The following PIK3R3 variants were observed in gnomAD, a reference collection of about 807,000 sequenced individuals.
PIK3R3 encodes phosphoinositide-3-kinase regulatory subunit 3.
A neutral mutation model predicts 62.9 loss-of-function variants in PIK3R3; 64 were observed. The observed-to-expected ratio is 1.02, with a 90% CI of 0.83 to 1.25. PIK3R3 has a LOEUF of 1.25. Ranked by LOEUF, PIK3R3 falls within the 50% of genes most tolerant of loss-of-function variation. The pLI is 0.00. For missense variants in PIK3R3, 614 were observed against 561.6 expected, an observed-to-expected ratio of 1.09 and a Z score of -0.94; for synonymous variants, 165 against 189.0, an observed-to-expected ratio of 0.87 and a Z score of 1.04.
chr1:46,079,618 C>T (rs977461749), intron 2 of PIK3R3, among the ~76,000 whole-genome samples: 2 of 152,110 alleles, frequency 1.3e-5, no homozygotes. Flanking sequence ...TTTAGAAATC[C>T]ATCCTCAATA....
intron 1 of PIK3R3, among the ~76,000 whole-genome samples, chr1:46,116,089 T>G (rs1654161856): frequency 6.6e-6 from 1 of 152,210 alleles, no homozygotes; most frequent in African/African-American, 2.4e-5. Flanking sequence ...GTAAACCCCT[T>G]TGGCATTTTT....
At chr1:46,159,165 T>C in the PIK3R3 span, among the ~76,000 whole-genome samples, 1 of 152,182 alleles carries the variant, frequency 6.6e-6, no homozygotes, top group Non-Finnish European at 1.5e-5. Flanking sequence ...CCTTACCTAC[T>C]TTGTCTCCCC....
At chr1:46,065,907 G>A (rs908927933) in intron 5 of PIK3R3, 147 bp downstream of exon 5, 9 of 687,846 alleles carry the variant, frequency 1.3e-5, no homozygotes, top group African/African-American at 1.3e-4. Flanking sequence ...TAAGAAGGGA[G>A]GGGAATTTAT....
At chr1:46,141,020 C>A in the PIK3R3 span, among the ~76,000 whole-genome samples, 2 of 151,962 alleles carry the variant, frequency 1.3e-5, no homozygotes, top group East Asian at 3.9e-4. Context: ...ACCACCACAC[C>A]TGGCTAATTT....
At position 46,040,261 on chromosome 1, in the gene PIK3R3, C is replaced by T. The variant is rs1000761791; in HGVS notation, c.*3412G>A. The T allele has an allele frequency of 8.6e-6, 2 of 232,996 alleles. No homozygotes were observed. Among genetic ancestry groups the T allele is most frequent in the African/African-American group, 4.4e-5 (2 of 45,300 alleles). 14.4% of individuals were successfully genotyped at this position (232,996 alleles called of 1,614,324 possible). A position where few individuals can be genotyped will look rare whatever the true frequency, so the allele number is the denominator to read the frequency against. On this transcript the variant is annotated 3_prime_UTR_variant, in exon 10 of 10. Coordinates refer to ENST00000262741, the MANE Select transcript of PIK3R3 (RefSeq NM_003629.4). ...TCCTCTCGCCTTTCCCCCTACCCTC[C>T]CCAACAATTGCACAGCAATGTCTGA...
At chr1:46,098,118 A>T (rs965857635) in intron 1 of PIK3R3, among the ~76,000 whole-genome samples, 2 of 152,206 alleles carry the variant, frequency 1.3e-5, no homozygotes, top group Admixed American at 6.5e-5. Flanking sequence ...TCCAAAAATG[A>T]AATGTAAAAA....
intron 3 of PIK3R3, among the ~76,000 whole-genome samples, chr1:46,073,064 C>T (rs1365304201): frequency 6.6e-6 from 1 of 151,984 alleles, no homozygotes; most frequent in Non-Finnish European, 1.5e-5. Context: ...AAATCCCCAA[C>T]CTCAGATAAT....
chr1:46,140,020 G>A, the PIK3R3 span, among the ~76,000 whole-genome samples: 1 of 152,208 alleles, frequency 6.6e-6, no homozygotes, highest in Admixed American at 6.5e-5. Context: ...ATGGCGTCTC[G>A]CTCTGTCACC....
intron 1 of PIK3R3, 67 bp downstream of exon 1, chr1:46,131,780 T>C: frequency 6.7e-7 from 1 of 1,484,772 alleles, no homozygotes; most frequent in Non-Finnish European, 9.4e-7. Flanking sequence ...CCTGAAAACA[T>C]CAGCAAGCTC....
chr1:46,110,477 T>C (rs1264586939), intron 1 of PIK3R3, among the ~76,000 whole-genome samples: 1 of 151,962 alleles, frequency 6.6e-6, no homozygotes, highest in African/African-American at 2.4e-5. Flanking sequence ...TTATGCATGT[T>C]TTTTTCCATG....
chr1:46,072,714 C>A (rs1052873671), intron 3 of PIK3R3, among the ~76,000 whole-genome samples: 1 of 151,964 alleles, frequency 6.6e-6, no homozygotes, highest in African/African-American at 2.4e-5. Flanking sequence ...ACTGGGGAGG[C>A]CAAGGTGGGA....
At chr1:46,105,945 G>A (rs1200413413) in intron 1 of PIK3R3, among the ~76,000 whole-genome samples, 1 of 152,020 alleles carries the variant, frequency 6.6e-6, no homozygotes, top group South Asian at 2.1e-4. Flanking sequence ...AAGAAATAAA[G>A]TATATTTGAA....
chr1:46,115,005 T>C (rs966740739), intron 1 of PIK3R3, among the ~76,000 whole-genome samples: 3 of 152,070 alleles, frequency 2.0e-5, no homozygotes, highest in African/African-American at 7.2e-5. Flanking sequence ...CTACCCAGAT[T>C]TTAAGACAGT....
At chr1:46,114,424 T>C (rs2149459091) in intron 1 of PIK3R3, among the ~76,000 whole-genome samples, 1 of 152,318 alleles carries the variant, frequency 6.6e-6, no homozygotes, top group Middle Eastern at 3.4e-3. Context: ...TAAGTGGGAT[T>C]GACCCCTTCC....
intron 1 of PIK3R3, among the ~76,000 whole-genome samples, chr1:46,121,356 G>C (rs1654655366): frequency 6.6e-6 from 1 of 151,510 alleles, no homozygotes; most frequent in Admixed American, 6.6e-5. Context: ...ATCCTCTATG[G>C]AAAAAAAAGC....
At chr1:46,099,895 T>C (rs140921163) in intron 1 of PIK3R3, among the ~76,000 whole-genome samples, 44 of 152,364 alleles carry the variant, frequency 2.9e-4, no homozygotes, top group African/African-American at 9.9e-4. Flanking sequence ...TAAAATATTA[T>C]TCCATTGAAG....
the PIK3R3 span, among the ~76,000 whole-genome samples, chr1:46,155,293 A>T: frequency 1.5e-3 from 223 of 152,042 alleles, 1 homozygote; most frequent in African/African-American, 5.2e-3. Context: ...TATGCACTCC[A>T]GCCTAGATGA....
chr1:46,045,052 T>G (rs1045193224), intron 9 of PIK3R3, among the ~76,000 whole-genome samples: 9 of 152,226 alleles, frequency 5.9e-5, no homozygotes, highest in Non-Finnish European at 4.4e-5. Context: ...AGTAGCATCA[T>G]CATCATATTA....
upstream of PIK3R3, chr1:46,133,079 C>A: frequency 1.0e-6 from 1 of 990,410 alleles, no homozygotes; most frequent in Non-Finnish European, 1.2e-6. Flanking sequence ...CTTGCTCCTG[C>A]GAAGGAGCGG....
Sources: allele counts gnomAD v4.1 joint callset (sites outside exome capture counted in the v4.1 genomes callset), GRCh38; gene constraint gnomAD v4.1.1; transcripts MANE v1.5; gene names NCBI Gene and HGNC (gene_info 2026-07-23, HGNC 2026-07-21).